Variants in TXNDC16 observed in about 807,000 individuals in gnomAD.
The protein encoded by TXNDC16 is thioredoxin domain-containing protein 16.
A neutral mutation model predicts 85.6 loss-of-function variants in TXNDC16; 74 were observed. That is an observed-to-expected ratio of 0.86 (90% CI 0.72 to 1.05). The LOEUF is 1.05. Ranked by LOEUF, TXNDC16 falls within the 50% of genes least tolerant of loss-of-function variation. The probability of loss-of-function intolerance (pLI) is 0.00; values close to 1 mark genes in which losing one functional copy is unlikely to be tolerated. For synonymous variants in TXNDC16, 335 were observed against 326.5 expected (o/e 1.03, Z -0.28); for missense variants, 959 against 947.0 (o/e 1.01, Z -0.17).
intron 5 of TXNDC16, among the ~76,000 whole-genome samples, chr14:52,537,030 AGT>A (rs2037718129): frequency 2.0e-5 from 3 of 151,440 alleles, no homozygotes; most frequent in African/African-American, 7.3e-5. Context: ...AAAAAATAGG[AGT>A]CCAAACAAGG....
chr14:52,471,390 C>T (rs2035903195), intron 14 of TXNDC16, among the ~76,000 whole-genome samples: 5 of 152,152 alleles, frequency 3.3e-5, no homozygotes, highest in South Asian at 2.1e-4. Context: ...TACACTAATG[C>T]TAGAGATATC....
intron 18 of TXNDC16, among the ~76,000 whole-genome samples, chr14:52,448,103 TAGAGAA>T (rs1312790997): frequency 6.7e-6 from 1 of 149,616 alleles, no homozygotes; most frequent in African/African-American, 2.5e-5. Context: ...AAAGAGGAGA[TAGAGAA>T]AGAGATAGGG....
chr14:52,521,409 C>T (rs2037208946), intron 6 of TXNDC16, among the ~76,000 whole-genome samples: 2 of 152,060 alleles, frequency 1.3e-5, no homozygotes, highest in Non-Finnish European at 2.9e-5. Flanking sequence ...GCGTGAGTCA[C>T]TGCGCCTGGC....
At chr14:52,511,482 T>A in intron 8 of TXNDC16, 92 bp from the exon 9 acceptor site, 1 of 787,432 alleles carries the variant, frequency 1.3e-6, no homozygotes, top group Non-Finnish European at 1.8e-6. Flanking sequence ...GTCTTAAGTC[T>A]CATGCTTTTG....
At chr14:52,526,733 G>A (rs577986019) in intron 6 of TXNDC16, among the ~76,000 whole-genome samples, 49 of 152,336 alleles carry the variant, frequency 3.2e-4, no homozygotes, top group African/African-American at 9.4e-4. Context: ...ATGGCTGGCA[G>A]ACAGCTTCAG....
At chr14:52,519,024 C>A in intron 7 of TXNDC16, 148 bp downstream of exon 7, 1 of 740,108 alleles carries the variant, frequency 1.4e-6, no homozygotes, top group Non-Finnish European at 2.1e-6. Flanking sequence ...TTACGCTGCC[C>A]ATTTAAAGAA....
At chr14:52,457,227 T>C in intron 16 of TXNDC16, 53 bp from the exon 17 acceptor site, 1 of 997,928 alleles carries the variant, frequency 1.0e-6, no homozygotes, top group Non-Finnish European at 1.5e-6. Context: ...TTATGTATGC[T>C]ATTCAACTGA....
intron 9 of TXNDC16, among the ~76,000 whole-genome samples, chr14:52,493,216 T>TATTAC: frequency 5.2e-5 from 6 of 115,942 alleles, no homozygotes; most frequent in South Asian, 2.6e-4. Context: ...TATATATATA[T>TATTAC]ACACACACAC....
intron 9 of TXNDC16, among the ~76,000 whole-genome samples, chr14:52,504,423 C>G (rs988632223): frequency 6.6e-6 from 1 of 152,140 alleles, no homozygotes; most frequent in African/African-American, 2.4e-5. Context: ...ATTCAACATT[C>G]TTAAAGAAAA....
intron 6 of TXNDC16, among the ~76,000 whole-genome samples, chr14:52,525,649 G>C (rs1237294476): frequency 2.0e-5 from 3 of 150,866 alleles, no homozygotes; most frequent in East Asian, 1.9e-4. Flanking sequence ...AGTGAGCCAA[G>C]ATCGCACCAC....
chr14:52,509,365 T>C (rs1292101836), intron 9 of TXNDC16, among the ~76,000 whole-genome samples: 2 of 152,038 alleles, frequency 1.3e-5, no homozygotes, highest in African/African-American at 2.4e-5. Flanking sequence ...TGGAGGGAAA[T>C]AGTGAAGAAC....
At chr14:52,490,518 A>C (rs1681844484) in intron 10 of TXNDC16, 67 bp from the exon 11 acceptor site, 9 of 1,169,798 alleles carry the variant, frequency 7.7e-6, no homozygotes, top group Non-Finnish European at 9.7e-6. Context: ...CCAGGACTTC[A>C]ATAGAAAATA....
chr14:52,492,474 T>C (rs760972031), intron 9 of TXNDC16, among the ~76,000 whole-genome samples: 1 of 152,144 alleles, frequency 6.6e-6, no homozygotes, highest in Non-Finnish European at 1.5e-5. Flanking sequence ...CCTTCCACCA[T>C]AGATGTCTCC....
At chr14:52,476,690 T>A (rs937562545) in intron 14 of TXNDC16, among the ~76,000 whole-genome samples, 1 of 152,118 alleles carries the variant, frequency 6.6e-6, no homozygotes, top group Non-Finnish European at 1.5e-5. Context: ...GGGATTATGT[T>A]AAACAACCAA....
chr14:52,479,785 TACC>T (rs1417774877), intron 14 of TXNDC16, among the ~76,000 whole-genome samples: 1 of 152,010 alleles, frequency 6.6e-6, no homozygotes, highest in Non-Finnish European at 1.5e-5. Context: ...CCCATCAAAA[TACC>T]ACCATCATTC....
chr14:52,494,120 C>A (rs978664467), intron 9 of TXNDC16, among the ~76,000 whole-genome samples: 3 of 151,284 alleles, frequency 2.0e-5, no homozygotes, highest in Admixed American at 6.6e-5. Flanking sequence ...GTATAGGATT[C>A]TCTTCGGCAA....
At chr14:52,538,218 G>A (rs2037746976) in intron 4 of TXNDC16, among the ~76,000 whole-genome samples, 1 of 152,134 alleles carries the variant, frequency 6.6e-6, no homozygotes, top group African/African-American at 2.4e-5. Context: ...TGATACTTTT[G>A]CTCTTTTCAC....
chr14:52,460,266 A>G (rs2035622539), intron 16 of TXNDC16, among the ~76,000 whole-genome samples: 1 of 152,168 alleles, frequency 6.6e-6, no homozygotes, highest in African/African-American at 2.4e-5. Context: ...CTGTTCAAAG[A>G]AATCAGAGAA....
chr14:52,514,849 T>C (rs776618749), intron 8 of TXNDC16, 31 bp downstream of exon 8: 6 of 1,531,784 alleles, frequency 3.9e-6, no homozygotes, highest in East Asian at 2.3e-5. Flanking sequence ...AAAAAACCTT[T>C]AAATTGTTGA....
Sources: gnomAD v4.1 joint callset for allele counts (sites outside exome capture counted in the v4.1 genomes callset) on GRCh38, gnomAD v4.1.1 for gene constraint, MANE v1.5 for transcripts, NCBI Gene and HGNC (gene_info 2026-07-23, HGNC 2026-07-21) for gene names.